Variants in CACNA1E observed in about 807,000 individuals in gnomAD.
CACNA1E encodes voltage-dependent R-type calcium channel subunit alpha-1E.
In CACNA1E, 40 loss-of-function variants were observed where a neutral mutation model predicts 259.2. That is an observed-to-expected ratio of 0.15 (90% confidence interval 0.12 to 0.20). The LOEUF (loss-of-function observed/expected upper bound fraction) is 0.20, where lower values mean the gene tolerates loss of function less well. CACNA1E is among the 10% of genes least tolerant of loss of function. CACNA1E has a pLI of 1.00. For synonymous variants in CACNA1E, 1,104 were observed against 1,138.5 expected (o/e 0.97, Z 0.61); for missense variants, 1,874 against 3,040.1 (o/e 0.62, Z 9.02).
At chr1:181,698,161 A>G (rs1481941782) in intron 7 of CACNA1E, among the ~76,000 whole-genome samples, 1 of 152,226 alleles carries the variant, frequency 6.6e-6, no homozygotes, top group Non-Finnish European at 1.5e-5. Context: ...AGTAACATAG[A>G]CTTTATCAAA....
In CACNA1E at chr1:181,672,564, T is replaced by G. The variant is rs145066552; in HGVS notation, c.1055+21123T>G. ...ATAGGAGGGAAGAAAGGACCTAAAG[T>G]GGTCAGAGGGAACCTCGAGGCCAAG... is the stretch of plus-strand genomic sequence containing the variant. On this transcript the variant is annotated intron_variant, in intron 7 of 47. Transcript: ENST00000367573. Among the ~76,000 whole-genome samples, 814 of 152,270 alleles carry G rather than the reference T, an allele frequency of 5.3e-3. 9 individuals are homozygous for G. The highest frequency in any genetic ancestry group is 0.018 in the African/African-American group (762 of 41,540).
rs16858150 is a variant in CACNA1E at position 181,801,401 on chromosome 1, A to C, written c.*2567A>C. On this transcript the variant is annotated 3_prime_UTR_variant, in exon 48 of 48. Coordinates refer to ENST00000367573, the MANE Select transcript of CACNA1E (RefSeq NM_001205293.3). ...ATACACACAGGTATTTGAGTCCTGA[A>C]TAAAGTGTTGGAAAGCACTGCAGAT... 0.032 allele frequency: 4,874 copies of C among 152,398 alleles called. 114 individuals are homozygous for C. The highest frequency in any genetic ancestry group is 0.1 in the East Asian group (527 of 5,186). The allele number at this position is 152,398 out of a possible 1,614,324, so 9.4% of individuals were successfully genotyped here.
At chr1:181,760,770 C>T (rs1658514596) in intron 32 of CACNA1E, among the ~76,000 whole-genome samples, 1 of 152,176 alleles carries the variant, frequency 6.6e-6, no homozygotes. Flanking sequence ...CCTGTTCTAT[C>T]TGACTTCAAA....
At chr1:181,557,820 G>T (rs1251230761) in intron 3 of CACNA1E, among the ~76,000 whole-genome samples, 3 of 152,198 alleles carry the variant, frequency 2.0e-5, no homozygotes, top group Admixed American at 2.0e-4. Context: ...CTCGGGTTAT[G>T]TTAAGAAAGT....
intron 7 of CACNA1E, among the ~76,000 whole-genome samples, chr1:181,687,889 A>T (rs1398081910): frequency 6.6e-6 from 1 of 152,042 alleles, no homozygotes; most frequent in African/African-American, 2.4e-5. Context: ...AGAACTTGAA[A>T]CCACCTTTAT....
At chr1:181,721,967 T>C in intron 16 of CACNA1E, 92 bp downstream of exon 16, 1 of 849,810 alleles carries the variant, frequency 1.2e-6, no homozygotes, top group Non-Finnish European at 2.0e-6. Flanking sequence ...AGAGCTTGGG[T>C]TGGTGGGACA....
intron 7 of CACNA1E, among the ~76,000 whole-genome samples, chr1:181,656,028 T>C (rs1263419861): frequency 2.0e-5 from 3 of 152,178 alleles, no homozygotes; most frequent in African/African-American, 7.2e-5. Flanking sequence ...GTGGTGACGC[T>C]GGTGTAAAAA....
intron 6 of CACNA1E, among the ~76,000 whole-genome samples, chr1:181,643,437 C>T (rs1407599706): frequency 6.6e-6 from 1 of 152,230 alleles, no homozygotes; most frequent in Non-Finnish European, 1.5e-5. Flanking sequence ...CCACGGCAGC[C>T]TTCGTAGTCC....
intron 6 of CACNA1E, among the ~76,000 whole-genome samples, chr1:181,624,351 C>T (rs1266040115): frequency 4.6e-5 from 7 of 152,162 alleles, no homozygotes; most frequent in Non-Finnish European, 8.8e-5. Context: ...TTGACTCTTT[C>T]GTGAAAGATT....
intron 7 of CACNA1E, among the ~76,000 whole-genome samples, chr1:181,653,265 A>G (rs1448771482): frequency 1.3e-5 from 2 of 152,096 alleles, no homozygotes; most frequent in African/African-American, 4.8e-5. Flanking sequence ...AGCTCCCACA[A>G]TTCCCAGGTG....
chr1:181,712,937 G>C (rs3753740), intron 8 of CACNA1E, among the ~76,000 whole-genome samples: 71,355 of 151,976 alleles, frequency 0.47, 19,000 homozygotes, highest in East Asian at 0.75. Context: ...GAATTCCAAG[G>C]CTTCCCTTTC....
rs1411201462 is a variant in CACNA1E at position 181,796,995 on chromosome 1, A to G, written c.6399+137A>G. On this transcript the variant is annotated intron_variant, in intron 47 of 47. Coordinates refer to ENST00000367573, the MANE Select transcript of CACNA1E (RefSeq NM_001205293.3). The stretch of plus-strand genomic sequence containing the variant: ...TGGAATTTCACAGGAAGCTATACCT[A>G]TAGTGCATAGAGGTTAGCTGCTCAA... 9.9e-6 allele frequency: 6 copies of G among 603,330 alleles called. No homozygotes were observed. In the East Asian group the frequency reaches 1.1e-4, roughly 12 times the overall value. 37.4% of individuals were successfully genotyped at this position (603,330 alleles called of 1,614,324 possible).
chr1:181,470,125 G>A (rs996119217), intron 2 of CACNA1E, among the ~76,000 whole-genome samples: 2 of 152,038 alleles, frequency 1.3e-5, no homozygotes, highest in African/African-American at 2.4e-5. Context: ...GAGAGAGCAC[G>A]AGAGCACACA....
At chr1:181,688,184 C>T (rs1362325590) in intron 7 of CACNA1E, among the ~76,000 whole-genome samples, 1 of 152,090 alleles carries the variant, frequency 6.6e-6, no homozygotes, top group African/African-American at 2.4e-5. Flanking sequence ...CAACTCTCGC[C>T]CTCCCACTCA....
At chr1:181,750,255 A>G (rs1657472510) in intron 25 of CACNA1E, among the ~76,000 whole-genome samples, 1 of 152,244 alleles carries the variant, frequency 6.6e-6, no homozygotes, top group South Asian at 2.1e-4. Flanking sequence ...CAATGGAGCA[A>G]ATGGTGTGCT....
chr1:181,583,448 C>T (rs529778341), intron 6 of CACNA1E, among the ~76,000 whole-genome samples: 36 of 152,266 alleles, frequency 2.4e-4, no homozygotes, highest in South Asian at 4.2e-4. Context: ...AGTGGTGCAA[C>T]GAACATGTAA....
chr1:181,365,931 T>A (rs1483891080), intron 1 of CACNA1E, among the ~76,000 whole-genome samples: 1 of 152,180 alleles, frequency 6.6e-6, no homozygotes, highest in Admixed American at 6.5e-5. Context: ...AACTGGCTGG[T>A]GAGCACAAGT....
At chr1:181,738,046 A>G (rs762666810) in intron 23 of CACNA1E, among the ~76,000 whole-genome samples, 19 of 152,232 alleles carry the variant, frequency 1.2e-4, no homozygotes, top group Non-Finnish European at 2.4e-4. Context: ...AGGAGCTGAC[A>G]AGGATTTCAG....
intron 7 of CACNA1E, among the ~76,000 whole-genome samples, chr1:181,674,446 A>G (rs1040149335): frequency 4.1e-4 from 62 of 151,224 alleles, no homozygotes; most frequent in African/African-American, 1.5e-3. Flanking sequence ...CAATTAAAAT[A>G]CTCATTGATC....
Sources: gnomAD v4.1 joint callset for allele counts (sites outside exome capture counted in the v4.1 genomes callset) on GRCh38, gnomAD v4.1.1 for gene constraint, MANE v1.5 for transcripts, NCBI Gene and HGNC (gene_info 2026-07-23, HGNC 2026-07-21) for gene names.